The following CDH4 variants were observed in gnomAD, a reference collection of about 807,000 sequenced individuals.
The protein encoded by CDH4 is cadherin-4.
A neutral mutation model predicts 86.0 loss-of-function variants in CDH4; 33 were observed. That is an observed-to-expected ratio of 0.38 (90% CI 0.29 to 0.51). The LOEUF (loss-of-function observed/expected upper bound fraction) is 0.51, where lower values mean the gene tolerates loss of function less well. Among genes scored for constraint, CDH4 ranks in the 20% least tolerant of loss-of-function variants. CDH4 has a pLI of 0.86. For synonymous variants in CDH4, 555 were observed against 549.4 expected, an observed-to-expected ratio of 1.01 and a Z score of -0.14; for missense variants, 1,114 against 1,307.4, an observed-to-expected ratio of 0.85 and a Z score of 2.28.
At chr20:61,433,455 C>T (rs2085260327) in intron 2 of CDH4, among the ~76,000 whole-genome samples, 2 of 152,036 alleles carry the variant, frequency 1.3e-5, no homozygotes, top group South Asian at 4.1e-4. Context: ...ATTGCTTTGG[C>T]TCTTCTAGGT....
chr20:61,330,365 C>A (rs79971973), intron 2 of CDH4, among the ~76,000 whole-genome samples: 6,531 of 152,286 alleles, frequency 0.043, 176 homozygotes, highest in Middle Eastern at 0.085. Flanking sequence ...TTCTCCACAG[C>A]CTCACCAGCA....
intron 2 of CDH4, chr20:61,718,230 C>G (rs556226342): frequency 6.2e-6 from 1 of 160,636 alleles, no homozygotes; most frequent in Admixed American, 5.7e-5. Context: ...TCCAAGGGGC[C>G]CTGCCTTCCA....
Position 61,903,335 on chromosome 20 carries a change from CAGG to C in CDH4, c.1189-7084_1189-7082del, listed in dbSNP as rs1316130428. 1.3e-4 allele frequency among the ~76,000 whole-genome samples: 20 copies of C among 152,164 alleles called. No homozygotes were observed. In the South Asian group the frequency reaches 4.1e-3, roughly 32 times the overall value. On this transcript the variant is annotated intron_variant, in intron 8 of 15. Transcript: ENST00000614565. ...CCGAGGCGGGCAGATCACCTGAGGT[CAGG>C]AGTTCAAGATCAGCCTGGCCAACAT...
At chr20:61,253,860 G>A (rs2084081127) in intron 1 of CDH4, among the ~76,000 whole-genome samples, 1 of 152,170 alleles carries the variant, frequency 6.6e-6, no homozygotes, top group African/African-American at 2.4e-5. Flanking sequence ...CGGGCGGGAG[G>A]CGCCACTGCC....
chr20:61,696,868 G>A lies in CDH4; in HGVS notation c.170-46695G>A, dbSNP rs752778157. On this transcript the variant is annotated intron_variant, in intron 2 of 15. Coordinates refer to ENST00000614565, the MANE Select transcript of CDH4 (RefSeq NM_001794.5). ...TGAGATCATCCTGGGTGATCTAGGCGCACCCTAAATCCAATGGCAGGGGTC... is the reference window on the plus strand; with the variant it reads ...TGAGATCATCCTGGGTGATCTAGGCACACCCTAAATCCAATGGCAGGGGTC... Among the ~76,000 whole-genome samples the A allele has an allele frequency of 7.2e-5, 11 of 152,298 alleles. No homozygotes were observed. In the East Asian group the frequency reaches 7.7e-4, roughly 11 times the overall value.
At chr20:61,928,504 G>C (rs1184253299) in intron 12 of CDH4, 81 bp downstream of exon 12, 2 of 1,217,716 alleles carry the variant, frequency 1.6e-6, no homozygotes, top group Non-Finnish European at 2.4e-6. Flanking sequence ...CCTTGGAAGA[G>C]TGGGCACCAG....
chr20:61,735,188 A>T (rs1367550598), intron 2 of CDH4, among the ~76,000 whole-genome samples: 1 of 152,138 alleles, frequency 6.6e-6, no homozygotes, highest in African/African-American at 2.4e-5. Flanking sequence ...GAGACTCAGG[A>T]TGCGGTTGGG....
intron 2 of CDH4, among the ~76,000 whole-genome samples, chr20:61,545,593 T>C (rs1312770111): frequency 6.6e-6 from 1 of 152,194 alleles, no homozygotes; most frequent in Non-Finnish European, 1.5e-5. Context: ...ATGATCACCC[T>C]ACAAATTCAT....
intron 2 of CDH4, among the ~76,000 whole-genome samples, chr20:61,456,049 A>G (rs1056985341): frequency 6.6e-6 from 1 of 151,942 alleles, no homozygotes; most frequent in Non-Finnish European, 1.5e-5. Flanking sequence ...GAAGAAAGGA[A>G]GGAAGGAAAG....
At chr20:61,450,496 G>A (rs2085373566) in intron 2 of CDH4, among the ~76,000 whole-genome samples, 1 of 152,164 alleles carries the variant, frequency 6.6e-6, no homozygotes, top group Non-Finnish European at 1.5e-5. Flanking sequence ...TATTTCATCT[G>A]TGCTGGGTCT....
intron 3 of CDH4, among the ~76,000 whole-genome samples, chr20:61,755,487 C>T (rs911501692): frequency 6.8e-6 from 1 of 146,330 alleles, no homozygotes; most frequent in South Asian, 2.2e-4. Flanking sequence ...ACACAGTGCA[C>T]ATCACACACC....
intron 2 of CDH4, among the ~76,000 whole-genome samples, chr20:61,616,854 G>A (rs1051962005): frequency 2.6e-5 from 4 of 152,160 alleles, no homozygotes; most frequent in African/African-American, 9.7e-5. Flanking sequence ...GGCCCAGCAC[G>A]TAGACCTGGT....
chr20:61,488,710 T>C (rs1450891062), intron 2 of CDH4, among the ~76,000 whole-genome samples: 2 of 152,226 alleles, frequency 1.3e-5, no homozygotes. Context: ...GCCATAAGGC[T>C]GAAAATGCTT....
chr20:61,938,125 G>A lies in CDH4; in HGVS notation c.*1182G>A, dbSNP rs928440891. The A allele has an allele frequency of 3.9e-5, 6 of 152,434 alleles. No individual in the cohort carries two copies. Among genetic ancestry groups the A allele is most frequent in the African/African-American group, 1.4e-4 (6 of 41,588 alleles). The allele number at this position is 152,434 out of a possible 1,614,324, so 9.4% of individuals were successfully genotyped here. ...AGGCCCCGTCTTGCCGTGCCTACCT[G>A]TCGCACAGATGCCTCTGCACGCTGC... is the stretch of plus-strand genomic sequence containing the variant. On this transcript the variant is annotated 3_prime_UTR_variant, in exon 16 of 16. Transcript: ENST00000614565.
intron 2 of CDH4, among the ~76,000 whole-genome samples, chr20:61,696,813 G>A (rs1037472990): frequency 6.6e-6 from 1 of 152,216 alleles, no homozygotes; most frequent in East Asian, 1.9e-4. Flanking sequence ...AAGAGTGTTT[G>A]AAGATGTGAT....
At chr20:61,339,146 G>T (rs985782848) in intron 2 of CDH4, among the ~76,000 whole-genome samples, 1 of 152,084 alleles carries the variant, frequency 6.6e-6, no homozygotes, top group Non-Finnish European at 1.5e-5. Context: ...AAATGGTATT[G>T]TTTATATGAT....
intron 2 of CDH4, among the ~76,000 whole-genome samples, chr20:61,700,839 C>A (rs2087767758): frequency 6.6e-6 from 1 of 152,224 alleles, no homozygotes; most frequent in African/African-American, 2.4e-5. Flanking sequence ...CCACATGAGT[C>A]TTGCCTTCAA....
intron 2 of CDH4, among the ~76,000 whole-genome samples, chr20:61,345,493 G>A (rs1177239917): frequency 6.6e-6 from 1 of 152,252 alleles, no homozygotes; most frequent in Non-Finnish European, 1.5e-5. Flanking sequence ...GGTAAAAGAA[G>A]TCCGTGAGGA....
intron 1 of CDH4, among the ~76,000 whole-genome samples, chr20:61,253,899 C>T (rs1029780982): frequency 5.3e-5 from 8 of 152,172 alleles, no homozygotes; most frequent in African/African-American, 1.9e-4. Flanking sequence ...AGGCTTCCTG[C>T]GCTCGCCGGG....
Sources: gnomAD v4.1 joint callset for allele counts (sites outside exome capture counted in the v4.1 genomes callset) on GRCh38, gnomAD v4.1.1 for gene constraint, MANE v1.5 for transcripts, NCBI Gene and HGNC (gene_info 2026-07-23, HGNC 2026-07-21) for gene names.